The following TMEM217B variants were observed in gnomAD, a reference collection of about 807,000 sequenced individuals.
TMEM217B encodes transmembrane protein 217B, also known as putative transmembrane protein 217B.
chr6:37,256,030 G>A, the TMEM217B span, among the ~76,000 whole-genome samples: 1 of 152,160 alleles, frequency 6.6e-6, no homozygotes, highest in South Asian at 2.1e-4. Context: ...AGAAAAAGGA[G>A]TATTTTGAGA....
chr6:37,226,281 C>CTTTTTTTT, the TMEM217B span, among the ~76,000 whole-genome samples: 42 of 74,896 alleles, frequency 5.6e-4, 3 homozygotes, highest in Non-Finnish European at 8.8e-4. Flanking sequence ...TTGAGACAGT[C>CTTTTTTTT]TTTTTTTTTT....
chr6:37,239,988 A>G, the TMEM217B span, among the ~76,000 whole-genome samples: 2 of 152,112 alleles, frequency 1.3e-5, no homozygotes, highest in African/African-American at 4.8e-5. Flanking sequence ...TTCTTCTAAC[A>G]GGAAATCTGG....
chr6:37,235,131 C>A, the TMEM217B span, among the ~76,000 whole-genome samples: 12 of 152,094 alleles, frequency 7.9e-5, no homozygotes, highest in Non-Finnish European at 1.5e-5. Context: ...GAGCTAAAAA[C>A]ATTATCATGA....
At chr6:37,235,989 A>C in the TMEM217B span, among the ~76,000 whole-genome samples, 9 of 152,218 alleles carry the variant, frequency 5.9e-5, no homozygotes, top group Non-Finnish European at 1.3e-4. Context: ...CTTTATGTAG[A>C]GTTTAAAATA....
At chr6:37,253,235 A>C in the TMEM217B span, among the ~76,000 whole-genome samples, 1 of 152,132 alleles carries the variant, frequency 6.6e-6, no homozygotes, top group African/African-American at 2.4e-5. Flanking sequence ...AATTTACATA[A>C]CTTCTTCTCA....
chr6:37,232,727 T>C, the TMEM217B span, among the ~76,000 whole-genome samples: 1 of 152,236 alleles, frequency 6.6e-6, no homozygotes, highest in African/African-American at 2.4e-5. Context: ...CCTGTTGTTA[T>C]CTCTGTTCCA....
chr6:37,225,840 G>A, the TMEM217B span, among the ~76,000 whole-genome samples: 1 of 152,200 alleles, frequency 6.6e-6, no homozygotes. Flanking sequence ...CCACTTTACA[G>A]TCTTGCTCAT....
At chr6:37,218,975 C>T in the TMEM217B span, 6 of 1,614,140 alleles carry the variant, frequency 3.7e-6, no homozygotes, top group Non-Finnish European at 5.1e-6. Context: ...GGTGAAGACC[C>T]CTGACAACAC....
the TMEM217B span, among the ~76,000 whole-genome samples, chr6:37,229,501 C>G: frequency 6.6e-6 from 1 of 151,864 alleles, no homozygotes. Flanking sequence ...CGCCACCACG[C>G]CCGGCTAATT....
chr6:37,218,786 A>C, the TMEM217B span: 1 of 1,614,116 alleles, frequency 6.2e-7, no homozygotes, highest in African/African-American at 1.3e-5. Context: ...TGAGTACAGG[A>C]GGAAGCAGCT....
At chr6:37,243,936 CCAG>C in the TMEM217B span, among the ~76,000 whole-genome samples, 1 of 152,150 alleles carries the variant, frequency 6.6e-6, no homozygotes, top group African/African-American at 2.4e-5. Flanking sequence ...ATGGAGTCAG[CCAG>C]TCCTCAGAAA....
the TMEM217B span, among the ~76,000 whole-genome samples, chr6:37,235,507 A>G: frequency 1.3e-5 from 2 of 152,092 alleles, no homozygotes; most frequent in African/African-American, 4.8e-5. Context: ...CTGGGACTAC[A>G]GGCACCCGCC....
the TMEM217B span, among the ~76,000 whole-genome samples, chr6:37,254,089 T>G: frequency 2.6e-5 from 4 of 152,200 alleles, no homozygotes; most frequent in African/African-American, 9.7e-5. Flanking sequence ...CATACTGTAT[T>G]AGTAACAGAA....
chr6:37,250,291 C>T, the TMEM217B span, among the ~76,000 whole-genome samples: 1 of 152,288 alleles, frequency 6.6e-6, no homozygotes, highest in Non-Finnish European at 1.5e-5. Flanking sequence ...TAGGAAGGGA[C>T]CCCTAAGAGG....
the TMEM217B span, among the ~76,000 whole-genome samples, chr6:37,240,843 C>T: frequency 6.6e-6 from 1 of 152,158 alleles, no homozygotes; most frequent in Non-Finnish European, 1.5e-5. Flanking sequence ...TGTTTTAGCA[C>T]ACATTTGCTA....
chr6:37,253,468 A>G, the TMEM217B span, among the ~76,000 whole-genome samples: 1 of 152,030 alleles, frequency 6.6e-6, no homozygotes, highest in Non-Finnish European at 1.5e-5. Flanking sequence ...TTACTTTTTC[A>G]GTCTTTTTGC....
the TMEM217B span, chr6:37,257,807 G>C: frequency 2.5e-6 from 3 of 1,216,674 alleles, 1 homozygote; most frequent in East Asian, 7.8e-5. Flanking sequence ...CTGGGAGCGG[G>C]TGACCGGCGG....
the TMEM217B span, among the ~76,000 whole-genome samples, chr6:37,234,435 C>T: frequency 6.6e-6 from 1 of 152,196 alleles, no homozygotes; most frequent in Admixed American, 6.5e-5. Context: ...ATATTTTCAA[C>T]TTATGGGTTT....
the TMEM217B span, among the ~76,000 whole-genome samples, chr6:37,231,226 A>ATTTTT: frequency 1.1e-5 from 1 of 87,448 alleles, no homozygotes; most frequent in Non-Finnish European, 2.2e-5. Flanking sequence ...TGCCTGGCTA[A>ATTTTT]TTTTTTTTTT....
Sources: allele counts gnomAD v4.1 joint callset (sites outside exome capture counted in the v4.1 genomes callset), GRCh38; gene constraint gnomAD v4.1.1; transcripts MANE v1.5; gene names NCBI Gene and HGNC (gene_info 2026-07-23, HGNC 2026-07-21).